PCMTD1: variants seen among roughly 807,000 people sequenced by gnomAD.
PCMTD1 encodes the protein protein-L-isoaspartate O-methyltransferase domain-containing protein 1.
PCMTD1 carries 12 observed loss-of-function variants against 37.6 expected under a neutral mutation model. That is an observed-to-expected ratio of 0.32 (90% CI 0.20 to 0.52). The LOEUF is 0.52. PCMTD1 is among the 20% of genes least tolerant of loss of function. The pLI, the probability that PCMTD1 is intolerant of heterozygous loss-of-function variation, is 0.97. For synonymous variants in PCMTD1, 117 were observed against 135.8 expected, an observed-to-expected ratio of 0.86 and a Z score of 0.96; for missense variants, 235 against 421.3, an observed-to-expected ratio of 0.56 and a Z score of 3.87.
intron 1 of PCMTD1, among the ~76,000 whole-genome samples, chr8:51,888,839 T>C (rs181537740): frequency 1.5e-4 from 23 of 152,310 alleles, no homozygotes; most frequent in Admixed American, 1.1e-3. Flanking sequence ...AACCATTTCT[T>C]AGTGGCTGAG....
At chr8:51,851,263 G>GAATT (rs1441958897) in intron 2 of PCMTD1, among the ~76,000 whole-genome samples, 1 of 152,122 alleles carries the variant, frequency 6.6e-6, no homozygotes, top group African/African-American at 2.4e-5. Flanking sequence ...ACAAGTTCTA[G>GAATT]TCCCTCAGGC....
In PCMTD1 at chr8:51,820,511, T is replaced by C; in HGVS notation, c.914A>G (p.Asp305Gly). The C allele has an allele frequency of 6.2e-7, 1 of 1,613,972 alleles. No individual in the cohort carries two copies. The highest frequency in any genetic ancestry group is 8.5e-7 in the Non-Finnish European group (1 of 1,179,924). The change falls in exon 6 of 6, where the codon GAT (aspartate) becomes GGT (glycine). Residue 305 changes from aspartate (D) to glycine (G), a missense_variant. Around this residue, in one of 3 missense-constraint regions of PCMTD1, gnomAD observed 41 missense variants for 36.4 expected, o/e 1.13. Coordinates refer to ENST00000522514, the MANE Select transcript of PCMTD1 (RefSeq NM_052937.4). ...TTTGTTATCCTCTTCCATTTTTTCATCCTCTTCACTGTCTAGAGGCTGAGG... is the reference window on the plus strand; with the variant it reads ...TTTGTTATCCTCTTCCATTTTTTCACCCTCTTCACTGTCTAGAGGCTGAGG... ...LIPQPLDSEE[D>G]EKMEEDNKEE... is the part of the protein sequence containing the mutation.
intron 1 of PCMTD1, among the ~76,000 whole-genome samples, chr8:51,867,881 TA>T (rs2038581054): frequency 6.6e-6 from 1 of 151,982 alleles, no homozygotes; most frequent in African/African-American, 2.4e-5. Flanking sequence ...ACAGGAGAAA[TA>T]CGCTTTAGTA....
chr8:51,861,145 C>G lies in PCMTD1; in HGVS notation c.7G>C (p.Gly3Arg), dbSNP rs1179423008. The change falls in exon 2 of 6, where the codon GGA (glycine) becomes CGA (arginine). Residue 3 changes from glycine (G) to arginine (R), a missense_variant. By Grantham distance (125) the Gly-to-Arg change is moderately radical (BLOSUM62 -2). This residue lies in a region of PCMTD1 where 183 missense variants were observed against 349.3 expected (regional missense o/e 0.52). Transcript: ENST00000522514. MGGAVSAGEDNDD... is the reference protein window; with the variant it reads MGRAVSAGEDNDD... ...TTATCTTCCCCAGCACTCACAGCTC[C>G]TCCCATGATAGTATTCAAATCAAAT... 6.2e-7 allele frequency: 1 copy of G among 1,608,486 alleles called. No individual in the cohort carries two copies. The highest frequency in any genetic ancestry group is 8.5e-7 in the Non-Finnish European group (1 of 1,176,230).
intron 1 of PCMTD1, among the ~76,000 whole-genome samples, chr8:51,868,869 C>G (rs922063755): frequency 3.3e-4 from 50 of 152,190 alleles, no homozygotes; most frequent in African/African-American, 1.2e-3. Flanking sequence ...TTTCATAATG[C>G]TAGCATTCAA....
At chr8:51,879,877 TA>T (rs2038767454) in intron 1 of PCMTD1, among the ~76,000 whole-genome samples, 1 of 152,168 alleles carries the variant, frequency 6.6e-6, no homozygotes, top group Non-Finnish European at 1.5e-5. Flanking sequence ...GAAACATTTT[TA>T]ATTTTTTTAA....
intron 1 of PCMTD1, among the ~76,000 whole-genome samples, chr8:51,885,274 T>C (rs781611603): frequency 5.9e-5 from 9 of 152,180 alleles, no homozygotes; most frequent in African/African-American, 2.2e-4. Flanking sequence ...GCGGGGAGGA[T>C]ATCTTCGCTT....
At chr8:51,896,624 T>C (rs1018989680) in intron 1 of PCMTD1, among the ~76,000 whole-genome samples, 2 of 152,164 alleles carry the variant, frequency 1.3e-5, no homozygotes, top group Non-Finnish European at 2.9e-5. Flanking sequence ...GTTAACAGCA[T>C]AAGATCAAGG....
intron 1 of PCMTD1, among the ~76,000 whole-genome samples, chr8:51,890,718 A>G (rs2038924721): frequency 1.3e-5 from 2 of 152,220 alleles, no homozygotes; most frequent in South Asian, 4.1e-4. Flanking sequence ...CATAACCAAC[A>G]GCTAAACACC....
At position 51,860,881 on chromosome 8, in the gene PCMTD1, T is replaced by C. The variant is rs889957501; in HGVS notation, c.271A>G (p.Thr91Ala). 1 of 1,613,370 alleles carries C rather than the reference T, an allele frequency of 6.2e-7. No homozygotes were observed. The highest frequency in any genetic ancestry group is 1.3e-5 in the African/African-American group (1 of 74,910). The change falls in exon 2 of 6, where the codon ACC (threonine) becomes GCC (alanine). Residue 91 changes from threonine (T) to alanine (A), a missense_variant. Physicochemically the swap from Thr to Ala is moderately conservative, Grantham distance 58. Around this residue, in one of 3 missense-constraint regions of PCMTD1, gnomAD observed 183 missense variants for 349.3 expected, o/e 0.52. Coordinates refer to ENST00000522514, the MANE Select transcript of PCMTD1 (RefSeq NM_052937.4). ...GLSFLNLGSG[T>A]GYLSTMVGLI... ...CCCACCATTGTACTTAAATATCCGG[T>C]TCCACTTCCCAGGTTAAGAAAAGAC...
At chr8:51,888,794 G>A (rs1029143695) in intron 1 of PCMTD1, among the ~76,000 whole-genome samples, 2 of 152,152 alleles carry the variant, frequency 1.3e-5, no homozygotes, top group African/African-American at 4.8e-5. Flanking sequence ...TAGTGTATTA[G>A]TTCTACAGTC....
chr8:51,881,365 T>C (rs1458292437), intron 1 of PCMTD1, among the ~76,000 whole-genome samples: 2 of 152,168 alleles, frequency 1.3e-5, no homozygotes, highest in South Asian at 2.1e-4. Context: ...AGCAAATTCA[T>C]TACCACTACT....
At chr8:51,860,524 A>G (rs958076888) in intron 2 of PCMTD1, 1 of 189,444 alleles carries the variant, frequency 5.3e-6, no homozygotes, top group Admixed American at 5.6e-5. Flanking sequence ...ATCAAACTTT[A>G]TATGCCAGAA....
chr8:51,857,083 A>C (rs925365479), intron 2 of PCMTD1, among the ~76,000 whole-genome samples: 1 of 152,262 alleles, frequency 6.6e-6, no homozygotes, highest in African/African-American at 2.4e-5. Flanking sequence ...GGTTAGCTGA[A>C]TAAGGACCAT....
At chr8:51,855,232 A>T (rs2038368919) in intron 2 of PCMTD1, among the ~76,000 whole-genome samples, 1 of 150,712 alleles carries the variant, frequency 6.6e-6, no homozygotes, top group Non-Finnish European at 1.5e-5. Context: ...AAAAAGAAAA[A>T]AAAAAAAAAA....
intron 1 of PCMTD1, among the ~76,000 whole-genome samples, chr8:51,884,827 C>A (rs2038842419): frequency 6.6e-6 from 1 of 152,162 alleles, no homozygotes. Flanking sequence ...AACTTCTCTG[C>A]CATCCAATAA....
intron 4 of PCMTD1, 96 bp downstream of exon 4, chr8:51,833,420 TAA>T: frequency 1.0e-6 from 1 of 974,952 alleles, no homozygotes; most frequent in Admixed American, 3.1e-5. Flanking sequence ...ATTTTTTCTT[TAA>T]AAGTTACAAT....
At chr8:51,873,752 C>T (rs1197657436) in intron 1 of PCMTD1, among the ~76,000 whole-genome samples, 1 of 152,048 alleles carries the variant, frequency 6.6e-6, no homozygotes, top group East Asian at 1.9e-4. Context: ...TGCTTCTTCC[C>T]GAGTCACCTT....
chr8:51,874,309 T>C (rs2038681843), intron 1 of PCMTD1, among the ~76,000 whole-genome samples: 1 of 152,080 alleles, frequency 6.6e-6, no homozygotes, highest in South Asian at 2.1e-4. Context: ...TAAACTACAG[T>C]TCAGAACTTC....
Sources: gnomAD v4.1 joint callset for allele counts (sites outside exome capture counted in the v4.1 genomes callset) on GRCh38, gnomAD v4.1.1 for gene constraint, gnomAD v4.1.1 regional missense constraint, MANE v1.5 for transcripts, NCBI Gene and HGNC (gene_info 2026-07-23, HGNC 2026-07-21) for gene names.